Variants in PDCL2 observed in about 807,000 individuals in gnomAD.
PDCL2 encodes phosducin like 2.
In PDCL2, 23 loss-of-function variants were observed where a neutral mutation model predicts 30.3. That is an observed-to-expected ratio of 0.76 (90% CI 0.55 to 1.08). PDCL2 has a LOEUF of 1.08. PDCL2 is among the 50% of genes least tolerant of loss of function. The pLI is 0.00. For missense variants in PDCL2, 243 were observed against 282.3 expected, an observed-to-expected ratio of 0.86 and a Z score of 1.00; for synonymous variants, 68 against 86.2, an observed-to-expected ratio of 0.79 and a Z score of 1.17.
chr4:55,582,289 G>A, intron 1 of PDCL2, 52 bp from the exon 2 acceptor site: 2 of 1,498,624 alleles, frequency 1.3e-6, no homozygotes, highest in Non-Finnish European at 1.8e-6. Flanking sequence ...ACTTTAATAT[G>A]TATTTGGAAA....
chr4:55,580,055 C>T (rs1239408096), intron 3 of PDCL2, among the ~76,000 whole-genome samples: 4 of 152,020 alleles, frequency 2.6e-5, no homozygotes, highest in African/African-American at 9.7e-5. Context: ...GCATGTTGGT[C>T]AGGCTGGTCT....
intron 4 of PDCL2, among the ~76,000 whole-genome samples, chr4:55,562,950 T>C (rs1361311194): frequency 6.6e-6 from 1 of 150,682 alleles, no homozygotes; most frequent in African/African-American, 2.4e-5. Flanking sequence ...TAGGAAATCC[T>C]TTGCAGTTCT....
intron 4 of PDCL2, among the ~76,000 whole-genome samples, chr4:55,565,690 T>TGG (rs1732244648): frequency 6.6e-6 from 1 of 152,200 alleles, no homozygotes; most frequent in Non-Finnish European, 1.5e-5. Flanking sequence ...TACATCCCTA[T>TGG]GATTGCATTC....
At chr4:55,584,468 G>C (rs1732810072) in intron 1 of PDCL2, among the ~76,000 whole-genome samples, 1 of 152,090 alleles carries the variant, frequency 6.6e-6, no homozygotes, top group Non-Finnish European at 1.5e-5. Flanking sequence ...TGTTGGCCAG[G>C]CTGGTCTCGA....
rs772293702 is a variant in PDCL2, at chr4:55,562,499, T to C, written c.476A>G (p.Asn159Ser). 7.6e-6 allele frequency: 12 copies of C among 1,576,672 alleles called. No individual in the cohort carries two copies. The highest frequency in any genetic ancestry group is 1.0e-5 in the Non-Finnish European group (12 of 1,163,092). ...ATACACAAAAATTGTTGGTAAACAA[T>C]TGTCATGGTAGTGTTGAATACAGCT... ...VNSCIQHYHD[N>S]CLPTIFVYKN... Residue 159 changes from asparagine to serine, a missense_variant, in exon 5 of 6, where the codon AAT becomes AGT. Transcript: ENST00000295645.
intron 1 of PDCL2, among the ~76,000 whole-genome samples, chr4:55,589,469 T>C (rs1732945522): frequency 6.6e-6 from 1 of 152,214 alleles, no homozygotes; most frequent in Non-Finnish European, 1.5e-5. Context: ...TACAAATCCA[T>C]ATGAGAGCTG....
rs759156836 is a variant in PDCL2 at position 55,583,280 on chromosome 4, A to G, written c.7-1043T>C. On this transcript the variant is annotated intron_variant, in intron 1 of 5. Coordinates refer to ENST00000295645, the MANE Select transcript of PDCL2 (RefSeq NM_152401.3). Reference sequence around the variant, plus strand: ...TTTAAAATTGGGTTGTTTTCTTACTACTGTTATTTGAGTTCTGTATATATT... The same window carrying G: ...TTTAAAATTGGGTTGTTTTCTTACTGCTGTTATTTGAGTTCTGTATATATT... Among the ~76,000 whole-genome samples the G allele has an allele frequency of 3.9e-5, 6 of 152,186 alleles. No homozygotes were observed. The South Asian group carries it at 8.3e-4, about 21-fold the overall frequency.
At chr4:55,573,440 A>G (rs1732482035) in intron 3 of PDCL2, among the ~76,000 whole-genome samples, 1 of 152,078 alleles carries the variant, frequency 6.6e-6, no homozygotes, top group Admixed American at 6.5e-5. Context: ...GCTAGGACCT[A>G]TTGTATGGTG....
intron 1 of PDCL2, among the ~76,000 whole-genome samples, chr4:55,590,848 A>T (rs777208118): frequency 3.3e-5 from 5 of 152,156 alleles, no homozygotes; most frequent in Non-Finnish European, 5.9e-5. Context: ...TCAAACTATG[A>T]AGGCATTTAC....
chr4:55,577,967 C>T (rs1202838887), intron 3 of PDCL2, among the ~76,000 whole-genome samples: 1 of 152,050 alleles, frequency 6.6e-6, no homozygotes, highest in African/African-American at 2.4e-5. Context: ...AGTTCTCCTC[C>T]TTTGCTGGGG....
intron 3 of PDCL2, among the ~76,000 whole-genome samples, chr4:55,576,260 T>G (rs1732565391): frequency 6.6e-6 from 1 of 151,930 alleles, no homozygotes; most frequent in Admixed American, 6.6e-5. Flanking sequence ...CCAGCTAAAT[T>G]TTTTGTATTT....
chr4:55,587,199 G>A (rs1732883024), intron 1 of PDCL2, among the ~76,000 whole-genome samples: 1 of 117,076 alleles, frequency 8.5e-6, no homozygotes, highest in African/African-American at 3.7e-5. Context: ...GTCCTCACGT[G>A]GCAAAAGACA....
chr4:55,568,235 G>A (rs1466305927), intron 4 of PDCL2, among the ~76,000 whole-genome samples: 1 of 152,204 alleles, frequency 6.6e-6, no homozygotes, highest in South Asian at 2.1e-4. Flanking sequence ...CTGAGGCAGA[G>A]GGGTAGGGAC....
At chr4:55,566,788 A>G (rs1732280463) in intron 4 of PDCL2, among the ~76,000 whole-genome samples, 1 of 105,138 alleles carries the variant, frequency 9.5e-6, no homozygotes, top group Non-Finnish European at 1.9e-5. Flanking sequence ...AGAGTGGCCC[A>G]GAAAAACCTT....
chr4:55,582,422 G>A (rs1732742067), intron 1 of PDCL2, among the ~76,000 whole-genome samples, 185 bp from the exon 2 acceptor site: 2 of 152,098 alleles, frequency 1.3e-5, no homozygotes, highest in South Asian at 2.1e-4. Context: ...GGGATTATAT[G>A]CTCCACTCAA....
chr4:55,588,751 T>A (rs1350586790), intron 1 of PDCL2, among the ~76,000 whole-genome samples: 1 of 152,220 alleles, frequency 6.6e-6, no homozygotes, highest in Non-Finnish European at 1.5e-5. Context: ...CTGTTGCCCA[T>A]TTAATGGTCT....
intron 1 of PDCL2, among the ~76,000 whole-genome samples, chr4:55,590,196 CAAAA>C (rs1221085369): frequency 1.3e-4 from 5 of 37,094 alleles, no homozygotes; most frequent in East Asian, 1.2e-3. Flanking sequence ...GGCTCTGTCT[CAAAA>C]AAAAAAAAAA....
At chr4:55,587,246 A>AAAT (rs1732886571) in intron 1 of PDCL2, among the ~76,000 whole-genome samples, 2 of 137,024 alleles carry the variant, frequency 1.5e-5, no homozygotes, top group African/African-American at 5.4e-5. Context: ...AAAAAAAAAA[A>AAAT]GGGACATACT....
chr4:55,591,909 G>C (rs561683532), intron 1 of PDCL2, among the ~76,000 whole-genome samples, 195 bp downstream of exon 1: 6 of 152,266 alleles, frequency 3.9e-5, no homozygotes, highest in Non-Finnish European at 7.4e-5. Flanking sequence ...AGTCTTAAAG[G>C]CTGAAAAAAT....
Sources: allele counts gnomAD v4.1 joint callset (sites outside exome capture counted in the v4.1 genomes callset), GRCh38; gene constraint gnomAD v4.1.1; transcripts MANE v1.5; gene names NCBI Gene and HGNC (gene_info 2026-07-23, HGNC 2026-07-21).